The following PARD3 variants were observed in gnomAD, a reference collection of about 807,000 sequenced individuals.
PARD3 encodes the protein partitioning defective 3 homolog.
PARD3 carries 75 observed loss-of-function variants against 155.4 expected under a neutral mutation model. The observed-to-expected ratio is 0.48, with a 90% confidence interval of 0.40 to 0.58. The LOEUF is 0.58. PARD3 is among the 20% of genes least tolerant of loss of function. The pLI, the probability that PARD3 is intolerant of heterozygous loss-of-function variation, is 0.00. For missense variants in PARD3, 1,642 were observed against 1,721.7 expected (o/e 0.95, Z 0.82); for synonymous variants, 576 against 610.5 (o/e 0.94, Z 0.83).
intron 3 of PARD3, chr10:34,488,472 T>C (rs1302033842): frequency 6.6e-6 from 1 of 151,898 alleles, no homozygotes; most frequent in Non-Finnish European, 1.5e-5. Context: ...GGCACTGGGA[T>C]GCAAATGAAT....
At chr10:34,306,844 C>A (rs568899532) in intron 20 of PARD3, among the ~76,000 whole-genome samples, 1 of 152,192 alleles carries the variant, frequency 6.6e-6, no homozygotes, top group Admixed American at 6.5e-5. Context: ...CAAAATTACC[C>A]CCAACAGAAG....
intron 22 of PARD3, among the ~76,000 whole-genome samples, chr10:34,138,936 C>T (rs554100220): frequency 6.7e-6 from 1 of 150,152 alleles, no homozygotes; most frequent in Non-Finnish European, 1.5e-5. Context: ...TATCAACAAT[C>T]CTGGAAATAA....
In PARD3 at chr10:34,651,976, CT is replaced by C. The variant is rs2093027397; in HGVS notation, c.222+44341del. 3.3e-5 allele frequency among the ~76,000 whole-genome samples: 5 copies of C among 152,184 alleles called. No individual in the cohort carries two copies. In the South Asian group the frequency reaches 1.0e-3, roughly 31 times the overall value. On this transcript the variant is annotated intron_variant, in intron 2 of 24. Transcript: ENST00000374788. ...GAAGCAGGCACAGTATCTGTTCTTG[CT>C]TAACAAGCAATCCCCACTGTCAGTC...
At chr10:34,404,143 T>C (rs1274273319) in intron 5 of PARD3, among the ~76,000 whole-genome samples, 1 of 152,186 alleles carries the variant, frequency 6.6e-6, no homozygotes, top group Non-Finnish European at 1.5e-5. Context: ...GATGGCAACA[T>C]TCACTGCCCT....
At chr10:34,631,374 A>G (rs1324991172) in intron 2 of PARD3, among the ~76,000 whole-genome samples, 1 of 152,116 alleles carries the variant, frequency 6.6e-6, no homozygotes, top group Non-Finnish European at 1.5e-5. Flanking sequence ...GGGTGTAGCA[A>G]AAACATTCTC....
chr10:34,662,293 T>A (rs1381567774), intron 2 of PARD3, among the ~76,000 whole-genome samples: 3 of 152,132 alleles, frequency 2.0e-5, no homozygotes, highest in Admixed American at 2.0e-4. Flanking sequence ...GAAAACCTCA[T>A]ACACTGTTGG....
At chr10:34,689,279 C>T (rs762019097) in intron 2 of PARD3, among the ~76,000 whole-genome samples, 2 of 152,118 alleles carry the variant, frequency 1.3e-5, no homozygotes, top group Non-Finnish European at 2.9e-5. Context: ...AAGAGCCGTG[C>T]GACCGACTGC....
At chr10:34,708,835 G>C (rs1049562295) in intron 1 of PARD3, among the ~76,000 whole-genome samples, 33 of 152,048 alleles carry the variant, frequency 2.2e-4, no homozygotes, top group African/African-American at 8.0e-4. Flanking sequence ...AGACATCTTG[G>C]GAACAATGAG....
intron 22 of PARD3, among the ~76,000 whole-genome samples, chr10:34,239,604 C>G (rs1268944965): frequency 6.6e-6 from 1 of 151,950 alleles, no homozygotes; most frequent in Non-Finnish European, 1.5e-5. Context: ...GAGTTTGAGA[C>G]CAGCCTGACC....
chr10:34,463,227 G>A (rs1486029940), intron 4 of PARD3, among the ~76,000 whole-genome samples: 2 of 140,174 alleles, frequency 1.4e-5, no homozygotes, highest in Non-Finnish European at 3.1e-5. Flanking sequence ...AAAAGGGGAA[G>A]GGGAAGGGGA....
intron 22 of PARD3, among the ~76,000 whole-genome samples, chr10:34,228,687 G>C (rs974819979): frequency 6.6e-6 from 1 of 152,020 alleles, no homozygotes; most frequent in Non-Finnish European, 1.5e-5. Context: ...GTATTGGTTA[G>C]GATGAAAATG....
At chr10:34,377,529 G>T (rs534806026) in intron 10 of PARD3, among the ~76,000 whole-genome samples, 3 of 152,266 alleles carry the variant, frequency 2.0e-5, no homozygotes, top group African/African-American at 7.2e-5. Context: ...GGTGGAGGCT[G>T]CAGTAAGCTG....
At chr10:34,764,511 T>A (rs1043681910) in intron 1 of PARD3, among the ~76,000 whole-genome samples, 5 of 152,150 alleles carry the variant, frequency 3.3e-5, no homozygotes, top group African/African-American at 1.2e-4. Flanking sequence ...ATCCAGCAGG[T>A]ACTGGAGGAA....
At chr10:34,381,686 C>T (rs1841841005) in intron 9 of PARD3, among the ~76,000 whole-genome samples, 2 of 151,810 alleles carry the variant, frequency 1.3e-5, no homozygotes, top group Non-Finnish European at 2.9e-5. Flanking sequence ...AATCCCAGCA[C>T]TTTGGGAAGC....
At chr10:34,190,870 G>A (rs1382676142) in intron 22 of PARD3, among the ~76,000 whole-genome samples, 1 of 152,104 alleles carries the variant, frequency 6.6e-6, no homozygotes, top group Non-Finnish European at 1.5e-5. Flanking sequence ...AACAGCATAT[G>A]CAAAGGCACA....
intron 1 of PARD3, among the ~76,000 whole-genome samples, chr10:34,782,721 G>GT (rs879708183): frequency 0.034 from 4,903 of 145,090 alleles, 241 homozygotes; most frequent in African/African-American, 0.11. Flanking sequence ...CATTAGGAAA[G>GT]TTTTTTTTTT....
chr10:34,472,836 G>A (rs994209571), intron 3 of PARD3, among the ~76,000 whole-genome samples: 7 of 152,262 alleles, frequency 4.6e-5, no homozygotes, highest in Admixed American at 2.0e-4. Context: ...TGCCCTACTT[G>A]TGTTTGAAAT....
chr10:34,324,263 T>C (rs1958548950), intron 19 of PARD3, among the ~76,000 whole-genome samples: 1 of 152,192 alleles, frequency 6.6e-6, no homozygotes, highest in East Asian at 1.9e-4. Context: ...CGAATGTTCT[T>C]ACCTACCATG....
Position 34,689,764 on chromosome 10 carries a change from G to A in PARD3, c.222+6554C>T, listed in dbSNP as rs565548602. ...ACTAAGAATTGTATAATTTTAATAT[G>A]CCACTATTTAAAAAGATCAAGCATA... On this transcript the variant is annotated intron_variant, in intron 2 of 24. Transcript: ENST00000374788. Among the ~76,000 whole-genome samples the A allele has an allele frequency of 1.9e-4, 29 of 152,134 alleles. 1 individual carries two copies. Among genetic ancestry groups the A allele is most frequent in the African/African-American group, 5.8e-4 (24 of 41,510 alleles).
Sources: gnomAD v4.1 joint callset for allele counts (sites outside exome capture counted in the v4.1 genomes callset) on GRCh38, gnomAD v4.1.1 for gene constraint, MANE v1.5 for transcripts, NCBI Gene and HGNC (gene_info 2026-07-23, HGNC 2026-07-21) for gene names.